NID1: variants seen among roughly 807,000 people sequenced by gnomAD.
NID1 encodes the protein nidogen 1, also known as nidogen-1.
A neutral mutation model predicts 130.6 loss-of-function variants in NID1; 76 were observed. That is an observed-to-expected ratio of 0.58 (90% confidence interval 0.48 to 0.70). The LOEUF is 0.70. Among genes scored for constraint, NID1 ranks in the 30% least tolerant of loss-of-function variants. The probability of loss-of-function intolerance (pLI) is 0.00; values close to 1 mark genes in which losing one functional copy is unlikely to be tolerated. For synonymous variants in NID1, 665 were observed against 675.1 expected (o/e 0.98, Z 0.23); for missense variants, 1,517 against 1,664.8 (o/e 0.91, Z 1.54).
chr1:236,035,846 C>G (rs935664862), intron 5 of NID1, among the ~76,000 whole-genome samples: 1 of 152,028 alleles, frequency 6.6e-6, no homozygotes, highest in Non-Finnish European at 1.5e-5. Flanking sequence ...TGGCCAACAG[C>G]GCAAAAAGGT....
rs1572573553 is a variant in NID1, at chr1:235,979,715, G to A, written c.3509+107C>T. ...GACATCTCTAGAGGGGGCATTTCTG[G>A]AGGCTCAAAAGTCAAGCCAAGAGGC... On this transcript the variant is annotated intron_variant, in intron 18 of 19. Transcript: ENST00000264187. This position sits in a 1 kb window ranked among gnomAD's most constrained non-coding sequence, Gnocchi z 4.6. 3.1e-6 allele frequency: 4 copies of A among 1,304,628 alleles called. No homozygotes were observed. In the East Asian group the frequency reaches 9.6e-5, roughly 31 times the overall value. 80.8% of individuals were successfully genotyped at this position (1,304,628 alleles called of 1,614,324 possible).
At chr1:236,028,068 C>T (rs139745738) in intron 7 of NID1, among the ~76,000 whole-genome samples, 79 of 152,048 alleles carry the variant, frequency 5.2e-4, no homozygotes, top group African/African-American at 1.8e-3. Context: ...GAAATTTGGC[C>T]AAGATTTATG....
rs147788746 is a variant in NID1, at chr1:236,045,337, A to G, written c.752+120T>C. 1.1e-3 allele frequency: 721 copies of G among 669,376 alleles called. 5 individuals are homozygous for G. The African/African-American group carries it at 0.012, about 11-fold the overall frequency. 41.5% of individuals were successfully genotyped at this position (669,376 alleles called of 1,614,324 possible). The stretch of plus-strand genomic sequence containing the variant: ...AAAAAGAGTATCTCATAATATAAAA[A>G]CTATATGCAAAACTTAAATCCATAG... On this transcript the variant is annotated intron_variant, in intron 3 of 19. Transcript: ENST00000264187.
chr1:235,993,970 C>T (rs899203073), intron 12 of NID1, 98 bp from the exon 13 acceptor site: 8 of 1,053,874 alleles, frequency 7.6e-6, no homozygotes, highest in Non-Finnish European at 1.1e-5. Flanking sequence ...CTCAGAACCA[C>T]GAGGGCTGCC....
At position 235,977,948 on chromosome 1, in the gene NID1, G is replaced by A. The variant is rs139886579; in HGVS notation, c.3663C>T (p.His1221=). The change falls in exon 20 of 20, where the codon CAC becomes CAT. Residue 1221 remains histidine, a synonymous_variant. Coordinates refer to ENST00000264187, the MANE Select transcript of NID1 (RefSeq NM_002508.3). ...YCSVNNGGCT[H]LCLATPGSRT... The stretch of plus-strand genomic sequence containing the variant: ...TGCTCCCTGGGGTGGCCAAGCATAG[G>A]TGGGTGCAGCCGCCATTGTTCACTG... The A allele has an allele frequency of 4.3e-6, 7 of 1,614,012 alleles. No homozygotes were observed. In the African/African-American group the frequency reaches 6.7e-5, roughly 15 times the overall value.
intron 5 of NID1, among the ~76,000 whole-genome samples, chr1:236,036,087 T>G (rs1233606280): frequency 2.0e-5 from 3 of 152,180 alleles, no homozygotes; most frequent in African/African-American, 7.2e-5. Flanking sequence ...CATTTCAAGC[T>G]CTGATATTTG....
chr1:236,036,223 C>G (rs1458454864), intron 5 of NID1, among the ~76,000 whole-genome samples: 1 of 152,154 alleles, frequency 6.6e-6, no homozygotes. Flanking sequence ...CACACCACCC[C>G]TGGGGTGATG....
chr1:236,020,582 C>T (rs1265418783), intron 9 of NID1, among the ~76,000 whole-genome samples: 1 of 152,164 alleles, frequency 6.6e-6, no homozygotes, highest in African/African-American at 2.4e-5. Context: ...TGCGACGTCT[C>T]ACCAAAACCA....
At chr1:236,001,429 T>C (rs1658074603) in intron 12 of NID1, among the ~76,000 whole-genome samples, 1 of 152,088 alleles carries the variant, frequency 6.6e-6, no homozygotes, top group Admixed American at 6.5e-5. Flanking sequence ...TGCTGGCTTA[T>C]AGCCCCATCT....
intron 12 of NID1, among the ~76,000 whole-genome samples, chr1:236,003,583 C>T (rs187352000): frequency 1.3e-5 from 2 of 152,266 alleles, no homozygotes; most frequent in African/African-American, 4.8e-5. Flanking sequence ...AGAAATGAGG[C>T]CTCAGGCCAG....
intron 14 of NID1, among the ~76,000 whole-genome samples, chr1:235,985,822 G>A (rs548345095): frequency 1.8e-4 from 28 of 152,000 alleles, no homozygotes; most frequent in African/African-American, 4.6e-4. Flanking sequence ...GTGTAGTGGC[G>A]TGATTACTGC....
intron 4 of NID1, 35 bp from the exon 5 acceptor site, chr1:236,038,288 T>C (rs1314514840): frequency 6.3e-7 from 1 of 1,597,520 alleles, no homozygotes; most frequent in Non-Finnish European, 8.6e-7. Context: ...CCTGTAAGCA[T>C]TTCATGCAGC....
chr1:236,056,779 C>T (rs942680680), intron 1 of NID1, among the ~76,000 whole-genome samples: 3 of 151,966 alleles, frequency 2.0e-5, no homozygotes, highest in African/African-American at 4.8e-5. Context: ...GCACTGGGCA[C>T]ATTAGACCAC....
rs1657378161 is a variant in NID1 at position 235,979,764 on chromosome 1, CAG to C, written c.3509+56_3509+57del. 38 of 1,601,368 alleles carry C rather than the reference CAG, an allele frequency of 2.4e-5. No homozygotes were observed. In the South Asian group the frequency reaches 3.8e-4, roughly 16 times the overall value. On this transcript the variant is annotated intron_variant, in intron 18 of 19. Transcript: ENST00000264187. The surrounding 1 kb of genome is among the most constrained non-coding windows in gnomAD (Gnocchi z 4.6). ...GCCAGATGGGAAGGGCCTGGCCTCC[CAG>C]AGACAGTGGGTGGAGGGGCAGGCCC...
At chr1:236,037,744 G>C (rs908277810) in intron 5 of NID1, among the ~76,000 whole-genome samples, 2 of 152,060 alleles carry the variant, frequency 1.3e-5, no homozygotes, top group South Asian at 2.1e-4. Flanking sequence ...AGATTTCAAA[G>C]AAGTGAAGGA....
In NID1 at chr1:236,038,845, T is replaced by G. The variant is rs183381247; in HGVS notation, c.1136-592A>C. 1.2e-4 allele frequency among the ~76,000 whole-genome samples: 13 copies of G among 108,784 alleles called. 1 individual carries two copies. The South Asian group carries it at 2.5e-3, about 21-fold the overall frequency. The allele number at this position is 108,784 out of a possible 152,430, so 71.4% of individuals were successfully genotyped here. A position where few individuals can be genotyped will look rare whatever the true frequency, so the allele number is the denominator to read the frequency against. On this transcript the variant is annotated intron_variant, in intron 4 of 19. Coordinates refer to ENST00000264187, the MANE Select transcript of NID1 (RefSeq NM_002508.3). ...TATATAGGTCATATATAATAAATAT[T>G]ACCTATGTTATATAGGTCATATATA...
In NID1 at chr1:236,042,209, A is replaced by G. The variant is rs150689177; in HGVS notation, c.836T>C (p.Val279Ala). Reference sequence around the variant, plus strand: ...TGCCCCATCTTCAGTTCCGAGGATCACGTCTGCAGGCACCACGCCATTGGT... The same window carrying G: ...TGCCCCATCTTCAGTTCCGAGGATCGCGTCTGCAGGCACCACGCCATTGGT... ...ATTNGVVPAD[V>A]ILGTEDGAEY... The change falls in exon 4 of 20, where the codon GTG (valine) becomes GCG (alanine). Residue 279 changes from valine to alanine, a missense_variant. Val to Ala is a moderately conservative substitution (Grantham distance 64, BLOSUM62 0). Around this residue, in one of 3 missense-constraint regions of NID1, gnomAD observed 1,329 missense variants for 1,429.2 expected, o/e 0.93. Coordinates refer to ENST00000264187, the MANE Select transcript of NID1 (RefSeq NM_002508.3). 1.6e-5 allele frequency: 26 copies of G among 1,613,130 alleles called. No homozygotes were observed. In the African/African-American group the frequency reaches 3.5e-4, roughly 22 times the overall value.
chr1:236,011,807 T>C, intron 12 of NID1, 114 bp downstream of exon 12: 1 of 1,422,514 alleles, frequency 7.0e-7, no homozygotes, highest in Non-Finnish European at 9.8e-7. Flanking sequence ...TCTGGATTCA[T>C]GGACAGGGCA....
chr1:236,032,695 G>A lies in NID1; in HGVS notation c.1286-43C>T, dbSNP rs1357197945. The A allele has an allele frequency of 9.3e-6, 15 of 1,604,330 alleles. No individual in the cohort carries two copies. In the Admixed American group the frequency reaches 2.4e-4, roughly 25 times the overall value. ...GAAAGAATATAGAGATCACTTCCAA[G>A]CCAGTCTTTCAAACACGAGTAATAT... is the stretch of plus-strand genomic sequence containing the variant. On this transcript the variant is annotated intron_variant, in intron 5 of 19. Transcript: ENST00000264187.
Sources: gnomAD v4.1 joint callset for allele counts (sites outside exome capture counted in the v4.1 genomes callset) on GRCh38, gnomAD v4.1.1 for gene constraint, gnomAD v4.1.1 regional missense constraint, Gnocchi (gnomAD v3.1) non-coding constraint, MANE v1.5 for transcripts, NCBI Gene and HGNC (gene_info 2026-07-23, HGNC 2026-07-21) for gene names.